Variants in SNCAIP observed in about 807,000 individuals in gnomAD.
SNCAIP encodes the protein synuclein alpha interacting protein.
A neutral mutation model predicts 86.7 loss-of-function variants in SNCAIP; 43 were observed. The ratio of observed to expected loss-of-function variants is 0.50; its 90% CI spans 0.39 to 0.64. The LOEUF (loss-of-function observed/expected upper bound fraction) is 0.64, where lower values mean the gene tolerates loss of function less well. SNCAIP is among the 30% of genes least tolerant of loss of function. The probability of loss-of-function intolerance (pLI) is 0.00; values close to 1 mark genes in which losing one functional copy is unlikely to be tolerated. For missense variants in SNCAIP, 981 were observed against 1,103.1 expected (o/e 0.89, Z 1.57); for synonymous variants, 417 against 427.2 (o/e 0.98, Z 0.29).
At chr5:122,319,674 CT>C (rs575510014) in intron 1 of SNCAIP, among the ~76,000 whole-genome samples, 79 of 152,298 alleles carry the variant, frequency 5.2e-4, no homozygotes, top group Middle Eastern at 3.4e-3. Flanking sequence ...CCTGGGACTC[CT>C]TGGACTCCAG....
At chr5:122,348,186 C>A (rs1759009013) in intron 1 of SNCAIP, among the ~76,000 whole-genome samples, 1 of 152,046 alleles carries the variant, frequency 6.6e-6, no homozygotes, top group South Asian at 2.1e-4. Context: ...TGAAAATGTT[C>A]AGTTCCCAAG....
Position 122,451,396 on chromosome 5 carries a change from G to C in SNCAIP, c.2549G>C (p.Ser850Thr), listed in dbSNP as rs1561807865. 1 of 1,614,154 alleles carries C rather than the reference G, an allele frequency of 6.2e-7. No individual in the cohort carries two copies. Among genetic ancestry groups the C allele is most frequent in the Non-Finnish European group, 8.5e-7 (1 of 1,180,018 alleles). The change falls in exon 10 of 11, where the codon AGT (serine) becomes ACT (threonine). Residue 850 changes from serine (S) to threonine (T), a missense_variant. Ser to Thr is a moderately conservative substitution (Grantham distance 58, BLOSUM62 1). Coordinates refer to ENST00000261368, the MANE Select transcript of SNCAIP (RefSeq NM_005460.4). Reference sequence around the variant, plus strand: ...AGGACTCTCCAGCGGACCTCCACAAGTAACGAATCGGGGGATCAACTGAAA... The same window carrying C: ...AGGACTCTCCAGCGGACCTCCACAACTAACGAATCGGGGGATCAACTGAAA... The part of the protein sequence containing the change: ...KGRTLQRTST[S>T]NESGDQLKRP...
At chr5:122,338,345 C>G (rs1430610072) in intron 1 of SNCAIP, among the ~76,000 whole-genome samples, 2 of 152,188 alleles carry the variant, frequency 1.3e-5, no homozygotes, top group Non-Finnish European at 2.9e-5. Flanking sequence ...ATCATGAACA[C>G]TTTACACTTG....
At chr5:122,459,270 A>G (rs1327081079) in intron 10 of SNCAIP, among the ~76,000 whole-genome samples, 4 of 152,202 alleles carry the variant, frequency 2.6e-5, no homozygotes, top group Non-Finnish European at 4.4e-5. Context: ...GCCGTGGACC[A>G]TTCTACATGG....
At chr5:122,409,128 C>A (rs147313918) in intron 3 of SNCAIP, among the ~76,000 whole-genome samples, 2 of 151,966 alleles carry the variant, frequency 1.3e-5, no homozygotes, top group African/African-American at 4.8e-5. Context: ...ATTTGTGGAA[C>A]TTTTGCACGC....
chr5:122,427,258 C>T (rs1777559414), intron 5 of SNCAIP, among the ~76,000 whole-genome samples: 1 of 152,046 alleles, frequency 6.6e-6, no homozygotes, highest in South Asian at 2.1e-4. Context: ...GTTGTTACGC[C>T]AATCTTCAGC....
At position 122,385,661 on chromosome 5, in the gene SNCAIP, G is replaced by A. The variant is rs117063177; in HGVS notation, c.-46-5428G>A. On this transcript the variant is annotated intron_variant, in intron 1 of 10. Transcript: ENST00000261368. ...CCCAGTACAAATTTGGCAGGCATGC[G>A]TGTGCGCACGTATGTGTGTGTGTGT... 4.4e-3 allele frequency among the ~76,000 whole-genome samples: 657 copies of A among 150,816 alleles called. 36 individuals are homozygous for A. The East Asian group carries it at 0.11, about 25-fold the overall frequency.
At chr5:122,316,957 C>T (rs569215382) in intron 1 of SNCAIP, among the ~76,000 whole-genome samples, 4 of 152,278 alleles carry the variant, frequency 2.6e-5, no homozygotes, top group East Asian at 1.9e-4. Context: ...CCAAAGAATA[C>T]GTTTTTATCA....
chr5:122,424,226 C>G (rs892517508), intron 4 of SNCAIP, among the ~76,000 whole-genome samples: 1 of 152,218 alleles, frequency 6.6e-6, no homozygotes, highest in African/African-American at 2.4e-5. Flanking sequence ...TACCCAAGGG[C>G]TTCATTGCCC....
intron 7 of SNCAIP, chr5:122,443,723 TG>T (rs1341207010): frequency 2.2e-6 from 1 of 453,608 alleles, no homozygotes; most frequent in Non-Finnish European, 4.4e-6. Flanking sequence ...TTTGCTTAAC[TG>T]GGAAAGGCAT....
chr5:122,316,192 C>G (rs953570393), intron 1 of SNCAIP, among the ~76,000 whole-genome samples: 1 of 152,156 alleles, frequency 6.6e-6, no homozygotes, highest in East Asian at 1.9e-4. Context: ...TGTATATCAA[C>G]AGAAAACAAA....
At chr5:122,434,590 G>A (rs934217970) in intron 6 of SNCAIP, among the ~76,000 whole-genome samples, 1 of 152,178 alleles carries the variant, frequency 6.6e-6, no homozygotes, top group Non-Finnish European at 1.5e-5. Flanking sequence ...GTTATTTCAA[G>A]ATGATATGCA....
intron 10 of SNCAIP, among the ~76,000 whole-genome samples, chr5:122,455,672 A>AT (rs3841118): frequency 0.063 from 9,605 of 152,092 alleles, 695 homozygotes; most frequent in African/African-American, 0.17. Context: ...AGAAATTGTT[A>AT]TTTTTTTCTG....
intron 4 of SNCAIP, 119 bp from the exon 5 acceptor site, chr5:122,425,233 A>G (rs920901982): frequency 3.7e-6 from 3 of 809,518 alleles, no homozygotes; most frequent in African/African-American, 1.7e-5. Flanking sequence ...TTAGATCCCC[A>G]AGGCTGCCAC....
intron 1 of SNCAIP, among the ~76,000 whole-genome samples, chr5:122,380,131 G>T (rs1478423322): frequency 6.6e-6 from 1 of 152,104 alleles, no homozygotes; most frequent in Non-Finnish European, 1.5e-5. Context: ...GCGCCTCCTT[G>T]TACCTCTGGT....
chr5:122,341,202 A>G (rs1025110583), intron 1 of SNCAIP, among the ~76,000 whole-genome samples: 18 of 152,182 alleles, frequency 1.2e-4, no homozygotes, highest in Non-Finnish European at 4.4e-5. Context: ...GCACGTTTTT[A>G]AAGTGTTGAA....
intron 3 of SNCAIP, among the ~76,000 whole-genome samples, chr5:122,404,353 G>T (rs553174279): frequency 6.6e-6 from 1 of 152,108 alleles, no homozygotes; most frequent in African/African-American, 2.4e-5. Flanking sequence ...TAAAGCAAAG[G>T]CTTTGGAGTT....
chr5:122,444,887 C>A, intron 8 of SNCAIP, 155 bp downstream of exon 8: 1 of 726,070 alleles, frequency 1.4e-6, no homozygotes, highest in Non-Finnish European at 2.4e-6. Flanking sequence ...GTCCTCACAG[C>A]CAGCGTTCGT....
chr5:122,444,000 C>T, intron 7 of SNCAIP: 1 of 447,174 alleles, frequency 2.2e-6, no homozygotes, highest in Non-Finnish European at 4.5e-6. Flanking sequence ...GCTCAATCCA[C>T]AGACATGTCC....
Sources: allele counts gnomAD v4.1 joint callset (sites outside exome capture counted in the v4.1 genomes callset), GRCh38; gene constraint gnomAD v4.1.1; transcripts MANE v1.5; gene names NCBI Gene and HGNC (gene_info 2026-07-23, HGNC 2026-07-21).